OSBPL5: variants seen among roughly 807,000 people sequenced by gnomAD.
The protein encoded by OSBPL5 is oxysterol-binding protein-related protein 5.
OSBPL5 carries 71 observed loss-of-function variants against 111.2 expected under a neutral mutation model. The ratio of observed to expected loss-of-function variants is 0.64; its 90% CI spans 0.53 to 0.78. The LOEUF (loss-of-function observed/expected upper bound fraction) is 0.78. OSBPL5 is among the 30% of genes least tolerant of loss of function. The pLI, the probability that OSBPL5 is intolerant of heterozygous loss-of-function variation, is 0.00. For missense variants in OSBPL5, 1,210 were observed against 1,189.3 expected (o/e 1.02, Z -0.26); for synonymous variants, 549 against 513.9 (o/e 1.07, Z -0.93).
rs4561194 is a variant in OSBPL5, at chr11:3,106,952, T to C, written c.1059+311A>G. On this transcript the variant is annotated intron_variant, in intron 9 of 21. Coordinates refer to ENST00000263650, the MANE Select transcript of OSBPL5 (RefSeq NM_020896.4). The surrounding 1 kb of genome is among the most constrained non-coding windows in gnomAD (Gnocchi z 8.4). The stretch of plus-strand genomic sequence containing the variant: ...CAGCAGATGGGGTCAAGGGCCCCTC[T>C]TGAGCCTCCTGTTCTCCCATCAGCG... Among the ~76,000 whole-genome samples the C allele has an allele frequency of 0.89, 135,791 of 152,194 alleles. 60,636 individuals carry two copies. Among genetic ancestry groups the C allele is most frequent in the Admixed American group, 0.93 (14,216 of 15,302 alleles).
At chr11:3,153,855 GT>G (rs1006106662) in intron 1 of OSBPL5, among the ~76,000 whole-genome samples, 4 of 152,238 alleles carry the variant, frequency 2.6e-5, no homozygotes, top group African/African-American at 9.6e-5. Context: ...GAAGCCTTTT[GT>G]TTTCATTTTC....
intron 1 of OSBPL5, among the ~76,000 whole-genome samples, chr11:3,149,799 G>A (rs909767473): frequency 6.6e-6 from 1 of 152,206 alleles, no homozygotes; most frequent in African/African-American, 2.4e-5. Context: ...GCACCACGTA[G>A]CCCGGGGCAC....
chr11:3,128,364 G>A (rs1020145231), intron 2 of OSBPL5, among the ~76,000 whole-genome samples: 3 of 152,222 alleles, frequency 2.0e-5, no homozygotes, highest in African/African-American at 4.8e-5. Flanking sequence ...TACTCTCAGG[G>A]GAACAGGGGA....
At chr11:3,103,667 G>A (rs1314648907) in intron 10 of OSBPL5, among the ~76,000 whole-genome samples, 2 of 143,322 alleles carry the variant, frequency 1.4e-5, no homozygotes, top group Admixed American at 7.0e-5. Context: ...TGCCTCTGTT[G>A]CCCCCTTCCA....
chr11:3,145,034 G>T (rs72844096), intron 1 of OSBPL5, among the ~76,000 whole-genome samples: 1 of 152,224 alleles, frequency 6.6e-6, no homozygotes, highest in East Asian at 1.9e-4. Context: ...GAGGCCTTTG[G>T]GGGGCAGCCT....
chr11:3,150,327 T>C (rs1231283494), intron 1 of OSBPL5, among the ~76,000 whole-genome samples: 1 of 152,224 alleles, frequency 6.6e-6, no homozygotes, highest in East Asian at 1.9e-4. Flanking sequence ...AGTTTTTTGG[T>C]TCCCAGGTAA....
chr11:3,103,748 CT>C (rs201347657), intron 10 of OSBPL5, among the ~76,000 whole-genome samples: 3,162 of 51,744 alleles, frequency 0.061, 132 homozygotes, highest in African/African-American at 0.11. Context: ...CTCTGCAACC[CT>C]CTTCCAGCTC....
rs1422494374 is a variant in OSBPL5 at position 3,104,294 on chromosome 11, G to C, written c.1143C>G (p.Gly381=). 3.1e-6 allele frequency: 5 copies of C among 1,613,782 alleles called. No homozygotes were observed. The Admixed American group carries it at 8.3e-5, about 27-fold the overall frequency. The change falls in exon 10 of 22, where the codon GGC becomes GGG. Residue 381 remains glycine, a synonymous_variant. Transcript: ENST00000263650. This position sits in a 1 kb window ranked among gnomAD's most constrained non-coding sequence, Gnocchi z 5.0. ...MWTLLKQLRP[G]MDLSRVVLPT... ...GTAGCACCACGCGGGACAGGTCCATGCCTGGCCGTAGCTGCTTCAGCAGGG... is the reference window on the plus strand; with the variant it reads ...GTAGCACCACGCGGGACAGGTCCATCCCTGGCCGTAGCTGCTTCAGCAGGG...
chr11:3,097,020 G>GAA (rs1857286676), intron 14 of OSBPL5, among the ~76,000 whole-genome samples: 2 of 14,092 alleles, frequency 1.4e-4, no homozygotes, highest in Non-Finnish European at 3.0e-4. Flanking sequence ...GAAGACGGGA[G>GAA]GGGGAGGAGA....
chr11:3,119,169 C>T (rs1025260084), intron 7 of OSBPL5, among the ~76,000 whole-genome samples: 1 of 152,128 alleles, frequency 6.6e-6, no homozygotes, highest in Non-Finnish European at 1.5e-5. Context: ...GCCACCACGC[C>T]TGGCTAATTT....
At position 3,113,460 on chromosome 11, in the gene OSBPL5, G is replaced by C. The variant is rs1050518093; in HGVS notation, c.692-5515C>G. Among the ~76,000 whole-genome samples, 2 of 152,050 alleles carry C rather than the reference G, an allele frequency of 1.3e-5. No individual in the cohort carries two copies. Among genetic ancestry groups the C allele is most frequent in the Non-Finnish European group, 2.9e-5 (2 of 68,014 alleles). ...TCACAAAGTCAGGAGTTCAAGACCAGTCTGGCCAACATAGTGAAACCCCAT... is the reference window on the plus strand; with the variant it reads ...TCACAAAGTCAGGAGTTCAAGACCACTCTGGCCAACATAGTGAAACCCCAT... On this transcript the variant is annotated intron_variant, in intron 7 of 21. Coordinates refer to ENST00000263650, the MANE Select transcript of OSBPL5 (RefSeq NM_020896.4). This position sits in a 1 kb window ranked among gnomAD's most constrained non-coding sequence, Gnocchi z 4.8.
intron 1 of OSBPL5, among the ~76,000 whole-genome samples, chr11:3,129,979 T>C (rs1429614576): frequency 6.6e-6 from 1 of 152,346 alleles, no homozygotes; most frequent in East Asian, 1.9e-4. Context: ...GCGAGTTTCT[T>C]GTTTCCTCCC....
intron 7 of OSBPL5, among the ~76,000 whole-genome samples, chr11:3,108,395 G>A (rs2134427406): frequency 6.6e-6 from 1 of 152,322 alleles, no homozygotes; most frequent in South Asian, 2.1e-4. Flanking sequence ...GTGGAGTTAG[G>A]GAGGAGGGTC....
chr11:3,107,402 T>C lies in OSBPL5; in HGVS notation c.920A>G (p.Glu307Gly). ...NDAFSDKSER[E>G]NPEESDTETQ... The stretch of plus-strand genomic sequence containing the variant: ...CTCGGTATCTGACTCCTCAGGGTTC[T>C]CTCTCTCCGACTTGTCTGAGAATGC... The change falls in exon 9 of 22, where the codon GAG (glutamate) becomes GGG (glycine). Residue 307 changes from glutamate to glycine, a missense_variant. Coordinates refer to ENST00000263650, the MANE Select transcript of OSBPL5 (RefSeq NM_020896.4). This position sits in a 1 kb window ranked among gnomAD's most constrained non-coding sequence, Gnocchi z 6.1. 6.2e-7 allele frequency: 1 copy of C among 1,614,032 alleles called. No homozygotes were observed. The highest frequency in any genetic ancestry group is 8.5e-7 in the Non-Finnish European group (1 of 1,179,982).
chr11:3,101,000 A>T (rs1200496363), intron 13 of OSBPL5, among the ~76,000 whole-genome samples: 5 of 138,436 alleles, frequency 3.6e-5, no homozygotes, highest in Non-Finnish European at 6.1e-5. Flanking sequence ...TTTGAGACAG[A>T]GTCTCACCCT....
rs77177481 is a variant in OSBPL5, at chr11:3,105,584, G to T, written c.1060-1207C>A. On this transcript the variant is annotated intron_variant, in intron 9 of 21. Transcript: ENST00000263650. This position sits in a 1 kb window ranked among gnomAD's most constrained non-coding sequence, Gnocchi z 5.2. Reference sequence around the variant, plus strand: ...TCTTCTCTACTGAGACTGTCTTGCCGTAGGTCCCCACCACTCCTCACTGGT... The same window carrying T: ...TCTTCTCTACTGAGACTGTCTTGCCTTAGGTCCCCACCACTCCTCACTGGT... Among the ~76,000 whole-genome samples, 11,879 of 152,064 alleles carry T rather than the reference G, an allele frequency of 0.078. 829 individuals carry two copies. The highest frequency in any genetic ancestry group is 0.18 in the African/African-American group (7,409 of 41,430).
At chr11:3,125,572 G>A (rs940838238) in intron 3 of OSBPL5, among the ~76,000 whole-genome samples, 2 of 152,332 alleles carry the variant, frequency 1.3e-5, no homozygotes, top group African/African-American at 2.4e-5. Flanking sequence ...TTGGGAGGCC[G>A]AGGCGGGTGG....
chr11:3,150,503 G>A (rs1448646368), intron 1 of OSBPL5, among the ~76,000 whole-genome samples: 1 of 152,150 alleles, frequency 6.6e-6, no homozygotes, highest in Non-Finnish European at 1.5e-5. Context: ...CATGTCAGCA[G>A]CGTGCAGACA....
chr11:3,115,436 G>T (rs1180729648), intron 7 of OSBPL5, among the ~76,000 whole-genome samples: 1 of 152,164 alleles, frequency 6.6e-6, no homozygotes, highest in Non-Finnish European at 1.5e-5. Context: ...AACACTGACA[G>T]CAATTAAAGC....
Sources: gnomAD v4.1 joint callset for allele counts (sites outside exome capture counted in the v4.1 genomes callset) on GRCh38, gnomAD v4.1.1 for gene constraint, Gnocchi (gnomAD v3.1) non-coding constraint, MANE v1.5 for transcripts, NCBI Gene and HGNC (gene_info 2026-07-23, HGNC 2026-07-21) for gene names.